Variants in CSMD1 observed in about 807,000 individuals in gnomAD.
The protein encoded by CSMD1 is CUB and Sushi multiple domains 1.
In CSMD1, 213 loss-of-function variants were observed where a neutral mutation model predicts 417.5. The ratio of observed to expected loss-of-function variants is 0.51; its 90% CI spans 0.46 to 0.57. CSMD1 has a LOEUF of 0.57. Among genes scored for constraint, CSMD1 ranks in the 20% least tolerant of loss-of-function variants. CSMD1 has a pLI of 0.00. For missense variants in CSMD1, 6,923 were observed against 4,529.7 expected (o/e 1.53, Z -15.17); for synonymous variants, 2,862 against 1,736.8 (o/e 1.65, Z -16.11).
At chr8:3,969,747 G>A (rs1028662485) in intron 5 of CSMD1, among the ~76,000 whole-genome samples, 5 of 152,106 alleles carry the variant, frequency 3.3e-5, no homozygotes, top group African/African-American at 1.2e-4. Context: ...AGATGCCACA[G>A]AGGAATCATA....
chr8:3,340,008 C>T lies in CSMD1; in HGVS notation c.3631+3286G>A, dbSNP rs142800564. On this transcript the variant is annotated intron_variant, in intron 23 of 69. Transcript: ENST00000635120. ...TGCTTAATAAATGCCTATTCAGCAA[C>T]GTATTTATTCCGATTTGGCCCAAAG... 2.5e-3 allele frequency among the ~76,000 whole-genome samples: 374 copies of T among 152,278 alleles called. 1 individual carries two copies. Among genetic ancestry groups the T allele is most frequent in the Non-Finnish European group, 4.5e-3 (307 of 68,018 alleles).
intron 42 of CSMD1, chr8:3,113,225 G>A (rs886688746): frequency 1.3e-5 from 2 of 152,314 alleles, no homozygotes; most frequent in Non-Finnish European, 2.9e-5. Context: ...CTGCCTGGGA[G>A]ACACTGGTCC....
chr8:4,488,033 G>T (rs543203330), intron 2 of CSMD1, among the ~76,000 whole-genome samples: 14 of 152,282 alleles, frequency 9.2e-5, no homozygotes, highest in Admixed American at 7.8e-4. Context: ...AGGTGAGTAG[G>T]TCATGAGGAT....
At chr8:3,811,270 A>T (rs1801059377) in intron 5 of CSMD1, among the ~76,000 whole-genome samples, 1 of 152,240 alleles carries the variant, frequency 6.6e-6, no homozygotes, top group African/African-American at 2.4e-5. Flanking sequence ...AGCAATTACC[A>T]GAGATAAGTT....
At chr8:4,355,135 G>T (rs1032661544) in intron 3 of CSMD1, among the ~76,000 whole-genome samples, 3 of 151,856 alleles carry the variant, frequency 2.0e-5, no homozygotes, top group Non-Finnish European at 4.4e-5. Context: ...GGTGGCGGGC[G>T]CCTGCAGTCC....
chr8:3,308,610 G>GA (rs1427077515), intron 23 of CSMD1, 107 bp from the exon 24 acceptor site: 5 of 766,360 alleles, frequency 6.5e-6, no homozygotes, highest in East Asian at 5.5e-5. Flanking sequence ...AGGGTAGGGA[G>GA]AAAAAAGGAG....
intron 11 of CSMD1, among the ~76,000 whole-genome samples, chr8:3,489,315 G>A (rs1311905150): frequency 2.0e-5 from 3 of 152,172 alleles, no homozygotes; most frequent in African/African-American, 4.8e-5. Context: ...TACCCTACTT[G>A]CTCACAGATG....
At chr8:3,810,794 T>A (rs903976033) in intron 5 of CSMD1, among the ~76,000 whole-genome samples, 1 of 152,144 alleles carries the variant, frequency 6.6e-6, no homozygotes. Flanking sequence ...GTCCGGCACA[T>A]CATCAGGCTG....
intron 46 of CSMD1, among the ~76,000 whole-genome samples, chr8:3,103,555 G>A (rs991721890): frequency 6.6e-6 from 1 of 152,016 alleles, no homozygotes; most frequent in Admixed American, 6.6e-5. Context: ...ACTGCTAGAC[G>A]TCACTCGGTG....
At chr8:4,395,960 A>C (rs961652729) in intron 3 of CSMD1, among the ~76,000 whole-genome samples, 16 of 152,228 alleles carry the variant, frequency 1.1e-4, no homozygotes, top group African/African-American at 3.9e-4. Flanking sequence ...TTATGCCATT[A>C]ACTTTAGATA....
At chr8:4,594,511 G>C (rs527898737) in intron 2 of CSMD1, among the ~76,000 whole-genome samples, 1 of 152,036 alleles carries the variant, frequency 6.6e-6, no homozygotes, top group South Asian at 2.1e-4. Context: ...GAAATGATCT[G>C]TTTCTAAATA....
chr8:4,734,585 T>A (rs537052275), intron 1 of CSMD1, among the ~76,000 whole-genome samples: 34 of 152,354 alleles, frequency 2.2e-4, no homozygotes, highest in Admixed American at 1.8e-3. Flanking sequence ...AATTATATGC[T>A]GTTTAACAAA....
chr8:3,651,451 G>A (rs561620968), intron 7 of CSMD1, among the ~76,000 whole-genome samples: 1 of 152,148 alleles, frequency 6.6e-6, no homozygotes, highest in African/African-American at 2.4e-5. Flanking sequence ...CTCAGGGTCT[G>A]TGCACGTTCT....
At chr8:4,766,453 G>T (rs775873077) in intron 1 of CSMD1, among the ~76,000 whole-genome samples, 3 of 152,164 alleles carry the variant, frequency 2.0e-5, no homozygotes, top group African/African-American at 7.2e-5. Context: ...GAAGGCTAAC[G>T]TGCTTTACAA....
rs181133814 is a variant in CSMD1 at position 4,197,256 on chromosome 8, T to C, written c.416-165157A>G. On this transcript the variant is annotated intron_variant, in intron 3 of 69. Coordinates refer to ENST00000635120, the MANE Select transcript of CSMD1 (RefSeq NM_033225.6). ...TCACAGATAATTTCGTATAACCAGA[T>C]AGATTTTCAAATTGAGAAGTATTAG... Among the ~76,000 whole-genome samples, 553 of 152,312 alleles carry C rather than the reference T, an allele frequency of 3.6e-3. 10 individuals are homozygous for C. The highest frequency in any genetic ancestry group is 1.6e-3 in the Non-Finnish European group (112 of 68,026).
chr8:4,333,863 G>T (rs1039102182), intron 3 of CSMD1, among the ~76,000 whole-genome samples: 6 of 151,958 alleles, frequency 3.9e-5, no homozygotes, highest in Non-Finnish European at 8.8e-5. Context: ...CTTTAACATG[G>T]GGATTCTAAT....
intron 10 of CSMD1, among the ~76,000 whole-genome samples, chr8:3,507,515 T>C (rs1045841011): frequency 6.6e-6 from 1 of 152,214 alleles, no homozygotes; most frequent in East Asian, 1.9e-4. Flanking sequence ...TTTGGGTATA[T>C]ACCTAGTAAT....
At chr8:3,254,067 C>T (rs1460264712) in intron 26 of CSMD1, among the ~76,000 whole-genome samples, 1 of 152,102 alleles carries the variant, frequency 6.6e-6, no homozygotes, top group East Asian at 1.9e-4. Flanking sequence ...TAGGGCAGGC[C>T]TGGTGGTGAC....
At chr8:4,480,924 A>G (rs115162439) in intron 2 of CSMD1, among the ~76,000 whole-genome samples, 2,630 of 152,274 alleles carry the variant, frequency 0.017, 37 homozygotes, top group Middle Eastern at 0.078. Context: ...TCATCATCTT[A>G]GTGACTGGCC....
Sources: allele counts gnomAD v4.1 joint callset (sites outside exome capture counted in the v4.1 genomes callset), GRCh38; gene constraint gnomAD v4.1.1; transcripts MANE v1.5; gene names NCBI Gene and HGNC (gene_info 2026-07-23, HGNC 2026-07-21).